OSBPL9: variants seen among roughly 807,000 people sequenced by gnomAD.
OSBPL9 encodes the protein oxysterol binding protein like 9.
In OSBPL9, 40 loss-of-function variants were observed where a neutral mutation model predicts 106.6. The ratio of observed to expected loss-of-function variants is 0.38; its 90% CI spans 0.29 to 0.49. The LOEUF is 0.49. Ranked by LOEUF, OSBPL9 falls within the 20% of genes least tolerant of loss-of-function variation. The pLI, the probability that OSBPL9 is intolerant of heterozygous loss-of-function variation, is 0.97. For synonymous variants in OSBPL9, 269 were observed against 295.4 expected (o/e 0.91, Z 0.92); for missense variants, 609 against 887.2 (o/e 0.69, Z 3.98).
At chr1:51,720,479 C>T (rs543837712) in intron 4 of OSBPL9, among the ~76,000 whole-genome samples, 2 of 152,058 alleles carry the variant, frequency 1.3e-5, no homozygotes, top group Admixed American at 6.5e-5. Flanking sequence ...ATGTGCACCA[C>T]GACGCCCAGC....
At chr1:51,605,576 C>G (rs1249956531) in intron 2 of OSBPL9, among the ~76,000 whole-genome samples, 1 of 152,008 alleles carries the variant, frequency 6.6e-6, no homozygotes, top group African/African-American at 2.4e-5. Context: ...TCCCAAGGAT[C>G]AATAATGGCA....
intron 3 of OSBPL9, among the ~76,000 whole-genome samples, chr1:51,690,364 A>C (rs1654703068): frequency 6.6e-6 from 1 of 152,234 alleles, no homozygotes; most frequent in African/African-American, 2.4e-5. Flanking sequence ...TACAGTGCTG[A>C]CTTTGTTCCA....
chr1:51,730,081 G>A, intron 4 of OSBPL9: 1 of 1,265,902 alleles, frequency 7.9e-7, no homozygotes. Context: ...AGGCCGGAGC[G>A]CGAATGTCGT....
Position 51,787,829 on chromosome 1 carries a change from T to A in OSBPL9, c.*40T>A. 2 of 1,518,904 alleles carry A rather than the reference T, an allele frequency of 1.3e-6. No individual in the cohort carries two copies. Among genetic ancestry groups the A allele is most frequent in the Non-Finnish European group, 1.8e-6 (2 of 1,095,234 alleles). The allele number at this position is 1,518,904 out of a possible 1,614,324, so 94.1% of individuals were successfully genotyped here. Reference sequence around the variant, plus strand: ...AGTTTATACCTGATGATCAGGGCAGTAGGCATAATTCAGCAACAAACAATC... The same window carrying A: ...AGTTTATACCTGATGATCAGGGCAGAAGGCATAATTCAGCAACAAACAATC... On this transcript the variant is annotated 3_prime_UTR_variant, in exon 24 of 24. Coordinates refer to ENST00000428468, the MANE Select transcript of OSBPL9 (RefSeq NM_024586.6).
chr1:51,585,992 G>C (rs894473716), intron 1 of OSBPL9, among the ~76,000 whole-genome samples: 1 of 151,504 alleles, frequency 6.6e-6, no homozygotes, highest in Non-Finnish European at 1.5e-5. Flanking sequence ...GGCCAACGTA[G>C]CAAAACCCAG....
At chr1:51,628,126 T>C (rs955041551) in intron 1 of OSBPL9, among the ~76,000 whole-genome samples, 2 of 151,746 alleles carry the variant, frequency 1.3e-5, no homozygotes, top group African/African-American at 4.8e-5. Flanking sequence ...AGTCAAACTA[T>C]AGTGAAAGGT....
chr1:51,745,464 G>A, intron 4 of OSBPL9, 72 bp from the exon 5 acceptor site: 4 of 1,551,674 alleles, frequency 2.6e-6, no homozygotes, highest in Non-Finnish European at 3.5e-6. Context: ...ATGTATGAAG[G>A]GAAAAGTATT....
upstream of OSBPL9, chr1:51,614,258 T>C (rs977250532): frequency 1.3e-5 from 2 of 152,176 alleles, no homozygotes; most frequent in African/African-American, 4.8e-5. Context: ...TCAAATTTCT[T>C]GTAGAGATAT....
At chr1:51,544,925 C>T in the OSBPL9 span, among the ~76,000 whole-genome samples, 1 of 138,692 alleles carries the variant, frequency 7.2e-6, no homozygotes, top group Non-Finnish European at 1.5e-5. Context: ...CTCACTGCAA[C>T]ATCCACCTCC....
upstream of OSBPL9, among the ~76,000 whole-genome samples, chr1:51,576,407 A>T (rs186538321): frequency 6.1e-3 from 927 of 152,356 alleles, 9 homozygotes; most frequent in Middle Eastern, 0.02. Context: ...AAGATGTGTT[A>T]TGTATTAGGC....
At chr1:51,603,905 A>G (rs561107086) in intron 2 of OSBPL9, among the ~76,000 whole-genome samples, 2 of 152,294 alleles carry the variant, frequency 1.3e-5, no homozygotes, top group African/African-American at 4.8e-5. Context: ...ATAGTGGGCA[A>G]TTGGACCTCA....
chr1:51,705,016 AG>A (rs1173919880), intron 3 of OSBPL9, among the ~76,000 whole-genome samples: 1 of 152,120 alleles, frequency 6.6e-6, no homozygotes, highest in Non-Finnish European at 1.5e-5. Context: ...CAATTTATTT[AG>A]TTTTCTTTAG....
intron 3 of OSBPL9, among the ~76,000 whole-genome samples, chr1:51,691,382 C>T (rs1236705446): frequency 6.8e-6 from 1 of 147,664 alleles, no homozygotes; most frequent in Admixed American, 7.0e-5. Flanking sequence ...TGGGTTCAAG[C>T]GATTCTCCTG....
chr1:51,617,035 G>GCCC, upstream of OSBPL9: 1 of 833,782 alleles, frequency 1.2e-6, no homozygotes, highest in Non-Finnish European at 1.7e-6. Context: ...CGCCCCCTGC[G>GCCC]GCCCCGCCCC....
chr1:51,750,697 G>C (rs1443245168), intron 8 of OSBPL9, among the ~76,000 whole-genome samples: 1 of 151,916 alleles, frequency 6.6e-6, no homozygotes, highest in Non-Finnish European at 1.5e-5. Context: ...CATATATGTT[G>C]TCTCTTTTTC....
At chr1:51,711,603 C>T (rs1387881184) in intron 3 of OSBPL9, among the ~76,000 whole-genome samples, 8 of 139,190 alleles carry the variant, frequency 5.7e-5, no homozygotes, top group African/African-American at 2.3e-4. Context: ...GGAGAGGCTC[C>T]TCACTTCTCA....
At chr1:51,659,668 A>C (rs1396026375) in intron 2 of OSBPL9, among the ~76,000 whole-genome samples, 2 of 152,058 alleles carry the variant, frequency 1.3e-5, no homozygotes, top group Non-Finnish European at 2.9e-5. Context: ...GCACAAATAA[A>C]TAATATTAAG....
intron 2 of OSBPL9, among the ~76,000 whole-genome samples, chr1:51,606,256 C>A (rs1014773297): frequency 6.6e-6 from 1 of 152,014 alleles, no homozygotes; most frequent in African/African-American, 2.4e-5. Context: ...CACCTTTATC[C>A]CTGGCTTGGC....
At chr1:51,736,057 A>G (rs1245727752) in intron 4 of OSBPL9, among the ~76,000 whole-genome samples, 16 of 152,152 alleles carry the variant, frequency 1.1e-4, no homozygotes, top group Non-Finnish European at 2.2e-4. Context: ...TTGTGTTTAA[A>G]TGTTAACAGG....
Sources: allele counts gnomAD v4.1 joint callset (sites outside exome capture counted in the v4.1 genomes callset), GRCh38; gene constraint gnomAD v4.1.1; transcripts MANE v1.5; gene names NCBI Gene and HGNC (gene_info 2026-07-23, HGNC 2026-07-21).